RAB11FIP1: variants seen among roughly 807,000 people sequenced by gnomAD.
The protein encoded by RAB11FIP1 is rab11 family-interacting protein 1.
In RAB11FIP1, 49 loss-of-function variants were observed where a neutral mutation model predicts 83.1. The ratio of observed to expected loss-of-function variants is 0.59; its 90% CI spans 0.47 to 0.75. The LOEUF (loss-of-function observed/expected upper bound fraction) is 0.75, where lower values mean the gene tolerates loss of function less well. Among genes scored for constraint, RAB11FIP1 ranks in the 30% least tolerant of loss-of-function variants. The pLI is 0.00. For synonymous variants in RAB11FIP1, 670 were observed against 656.0 expected (o/e 1.02, Z -0.33); for missense variants, 1,536 against 1,598.7 (o/e 0.96, Z 0.67).
rs1003718245 is a variant in RAB11FIP1 at position 37,887,388 on chromosome 8, G to T, written c.372-9837C>A. Among the ~76,000 whole-genome samples, 112 of 152,054 alleles carry T rather than the reference G, an allele frequency of 7.4e-4. 1 individual carries two copies. The highest frequency in any genetic ancestry group is 2.6e-3 in the African/African-American group (108 of 41,484). On this transcript the variant is annotated intron_variant, in intron 1 of 5. Transcript: ENST00000330843. ...TCTACTAAAAATACAAAAATGAGCC[G>T]GGTGTGGTGGTACACACCTGTAATC...
chr8:37,865,326 T>C (rs909299510), intron 5 of RAB11FIP1, among the ~76,000 whole-genome samples: 19 of 150,936 alleles, frequency 1.3e-4, no homozygotes, highest in African/African-American at 4.1e-4. Context: ...TTTTTTTTTT[T>C]TTTCTTTTTT....
chr8:37,891,960 G>C (rs902094142), intron 1 of RAB11FIP1, among the ~76,000 whole-genome samples: 6 of 152,096 alleles, frequency 3.9e-5, no homozygotes, highest in African/African-American at 4.8e-5. Flanking sequence ...GCATTTCCTA[G>C]TAATTCACTT....
In RAB11FIP1 at chr8:37,858,882, A is replaced by G. The variant is rs1426215428; in HGVS notation, c.*4013T>C. Reference sequence around the variant, plus strand: ...CACTGGTCATCCCCCCACCCCCACCAAGAGAGGTTTTCCAGGAAGACAAAA... The same window carrying G: ...CACTGGTCATCCCCCCACCCCCACCGAGAGAGGTTTTCCAGGAAGACAAAA... On this transcript the variant is annotated 3_prime_UTR_variant, in exon 6 of 6. Transcript: ENST00000330843. 1 of 151,510 alleles carries G rather than the reference A, an allele frequency of 6.6e-6. No homozygotes were observed. The highest frequency in any genetic ancestry group is 1.5e-5 in the Non-Finnish European group (1 of 67,914). 9.4% of individuals were successfully genotyped at this position (151,510 alleles called of 1,614,324 possible).
At chr8:37,870,066 G>A (rs1277186507) in intron 5 of RAB11FIP1, among the ~76,000 whole-genome samples, 1 of 152,118 alleles carries the variant, frequency 6.6e-6, no homozygotes, top group Admixed American at 6.5e-5. Flanking sequence ...GGAGGCCAAG[G>A]TGGGAGGATC....
chr8:37,895,217 CAATATATATA>C (rs1383308337), intron 1 of RAB11FIP1, among the ~76,000 whole-genome samples: 1 of 32,638 alleles, frequency 3.1e-5, no homozygotes, highest in South Asian at 1.6e-3. Context: ...AGGTGCCTGC[CAATATATATA>C]TATATATATA....
rs1459905558 is a variant in RAB11FIP1, at chr8:37,862,020, C to T, written c.*875G>A. 2.4e-5 allele frequency: 4 copies of T among 170,118 alleles called. No homozygotes were observed. Among genetic ancestry groups the T allele is most frequent in the Admixed American group, 5.6e-5 (1 of 17,882 alleles). The allele number at this position is 170,118 out of a possible 1,614,324, so 10.5% of individuals were successfully genotyped here. A position where few individuals can be genotyped will look rare whatever the true frequency, so the allele number is the denominator to read the frequency against. On this transcript the variant is annotated 3_prime_UTR_variant, in exon 6 of 6. Coordinates refer to ENST00000330843, the MANE Select transcript of RAB11FIP1 (RefSeq NM_001002814.3). Reference sequence around the variant, plus strand: ...GCCAAGCAATCGTATTGACATCATTCCACACCTGGAGAACTGTATTAGCGA... The same window carrying T: ...GCCAAGCAATCGTATTGACATCATTTCACACCTGGAGAACTGTATTAGCGA...
intron 1 of RAB11FIP1, 112 bp downstream of exon 1, chr8:37,898,959 A>G: frequency 8.7e-7 from 1 of 1,144,968 alleles, no homozygotes; most frequent in Non-Finnish European, 1.2e-6. Context: ...CCGTCCCGAA[A>G]GGCCTTCCCC....
chr8:37,874,970 G>T lies in RAB11FIP1; in HGVS notation c.1167C>A (p.Ser389=). The change falls in exon 3 of 6, where the codon TCC becomes TCA. Residue 389 remains serine (S), a synonymous_variant. Coordinates refer to ENST00000330843, the MANE Select transcript of RAB11FIP1 (RefSeq NM_001002814.3). ...RQLSESSTKD[S]LKSMTLPSYR... is the part of the protein sequence containing the mutation. ...AGGACGGCAGGGTCATAGACTTCAA[G>T]GAGTCCTTGGTGGAAGATTCGGAGA... 1 of 1,614,154 alleles carries T rather than the reference G, an allele frequency of 6.2e-7. No homozygotes were observed. The highest frequency in any genetic ancestry group is 8.5e-7 in the Non-Finnish European group (1 of 1,180,026).
At chr8:37,867,737 G>C (rs1029550308) in intron 5 of RAB11FIP1, among the ~76,000 whole-genome samples, 2 of 150,880 alleles carry the variant, frequency 1.3e-5, no homozygotes, top group African/African-American at 4.9e-5. Flanking sequence ...GGAAGGAAGG[G>C]AGGGAGGGAA....
rs1412059208 is a variant in RAB11FIP1, at chr8:37,875,053, C to G, written c.1084G>C (p.Ala362Pro). 1 of 1,614,176 alleles carries G rather than the reference C, an allele frequency of 6.2e-7. No individual in the cohort carries two copies. Among genetic ancestry groups the G allele is most frequent in the East Asian group, 2.2e-5 (1 of 44,874 alleles). ...KHLFSSTENL[A>P]AGSWKEPAEG... is the part of the protein sequence containing the mutation. ...GCAGGCTCCTTCCAAGACCCAGCCGCCAGGTTCTCTGTAGAAGAGAACAAA... is the reference window on the plus strand; with the variant it reads ...GCAGGCTCCTTCCAAGACCCAGCCGGCAGGTTCTCTGTAGAAGAGAACAAA... The change falls in exon 3 of 6, where the codon GCG (alanine) becomes CCG (proline). Residue 362 changes from alanine (A) to proline (P), a missense_variant. Physicochemically the swap from Ala to Pro is conservative, Grantham distance 27 (BLOSUM62 -1). Coordinates refer to ENST00000330843, the MANE Select transcript of RAB11FIP1 (RefSeq NM_001002814.3).
chr8:37,862,596 T>C lies in RAB11FIP1; in HGVS notation c.*299A>G, dbSNP rs1404057151. 2 of 279,184 alleles carry C rather than the reference T, an allele frequency of 7.2e-6. No homozygotes were observed. Among genetic ancestry groups the C allele is most frequent in the East Asian group, 1.5e-4 (2 of 13,650 alleles). The allele number at this position is 279,184 out of a possible 1,614,324, so 17.3% of individuals were successfully genotyped here. A position where few individuals can be genotyped will look rare whatever the true frequency, so the allele number is the denominator to read the frequency against. On this transcript the variant is annotated 3_prime_UTR_variant, in exon 6 of 6. Coordinates refer to ENST00000330843, the MANE Select transcript of RAB11FIP1 (RefSeq NM_001002814.3). ...AAATACATGAATACTTCCTGTGCCATCTGAATCTCTGGCTCAGGATCAGAT... is the reference window on the plus strand; with the variant it reads ...AAATACATGAATACTTCCTGTGCCACCTGAATCTCTGGCTCAGGATCAGAT...
In RAB11FIP1 at chr8:37,877,387, C is replaced by G; in HGVS notation, c.536G>C (p.Gly179Ala). ...GTCTGACCCACTGTCCTTATTCTTC[C>G]CCTTGATCTTGTCCTTCAGCTTTCC... ...PFGKLKDKIKGKNKDSGSDTA... is the reference protein window; with the variant it reads ...PFGKLKDKIKAKNKDSGSDTA... Residue 179 changes from glycine to alanine, a missense_variant, in exon 2 of 6, where the codon GGG (glycine) becomes GCG (alanine). By Grantham distance (60) the Gly-to-Ala change is moderately conservative (BLOSUM62 0). Coordinates refer to ENST00000330843, the MANE Select transcript of RAB11FIP1 (RefSeq NM_001002814.3). The G allele has an allele frequency of 6.2e-7, 1 of 1,614,192 alleles. No homozygotes were observed. Among genetic ancestry groups the G allele is most frequent in the South Asian group, 1.1e-5 (1 of 91,078 alleles).
At chr8:37,888,597 G>A (rs922172689) in intron 1 of RAB11FIP1, among the ~76,000 whole-genome samples, 1 of 151,708 alleles carries the variant, frequency 6.6e-6, no homozygotes, top group Admixed American at 6.6e-5. Flanking sequence ...TCCCACCTTA[G>A]CCTACAAAGT....
chr8:37,871,436 G>A lies in RAB11FIP1; in HGVS notation c.3366C>T (p.Ser1122=). The part of the protein sequence containing the change: ...SSAHSDTHHT[S]TAESQKKATA... Reference sequence around the variant, plus strand: ...TGGCTTTTTTTTGAGATTCTGCTGTGCTGGTGTGGTGAGTGTCAGAATGTG... The same window carrying A: ...TGGCTTTTTTTTGAGATTCTGCTGTACTGGTGTGGTGAGTGTCAGAATGTG... The change falls in exon 4 of 6, where the codon AGC becomes AGT. Residue 1122 remains serine (S), a synonymous_variant. Transcript: ENST00000330843. The A allele has an allele frequency of 6.2e-7, 1 of 1,614,142 alleles. No individual in the cohort carries two copies. Among genetic ancestry groups the A allele is most frequent in the East Asian group, 2.2e-5 (1 of 44,878 alleles).
rs1585435410 is a variant in RAB11FIP1 at position 37,875,293 on chromosome 8, C to T, written c.844G>A (p.Asp282Asn). The T allele has an allele frequency of 6.2e-7, 1 of 1,613,090 alleles. No homozygotes were observed. The highest frequency in any genetic ancestry group is 1.7e-5 in the Admixed American group (1 of 59,772). ...TTGACCTGGTTCAGTTGCTTAAGATCCGTACTCGCTGTTCTCTTGTGAGAC... is the reference window on the plus strand; with the variant it reads ...TTGACCTGGTTCAGTTGCTTAAGATTCGTACTCGCTGTTCTCTTGTGAGAC... ...VMSHKRTASTDLKQLNQVNFT... is the reference protein window; with the variant it reads ...VMSHKRTASTNLKQLNQVNFT... Residue 282 changes from aspartate (D) to asparagine (N), a missense_variant, in exon 3 of 6, where the codon GAT becomes AAT. Coordinates refer to ENST00000330843, the MANE Select transcript of RAB11FIP1 (RefSeq NM_001002814.3).
chr8:37,891,699 C>G (rs1435402979), intron 1 of RAB11FIP1, among the ~76,000 whole-genome samples: 2 of 152,028 alleles, frequency 1.3e-5, no homozygotes, highest in Non-Finnish European at 2.9e-5. Context: ...GCTTACAGTT[C>G]GTAATGCAAA....
chr8:37,881,962 C>T (rs899723642), intron 1 of RAB11FIP1, among the ~76,000 whole-genome samples: 4 of 152,078 alleles, frequency 2.6e-5, no homozygotes, highest in Admixed American at 2.0e-4. Context: ...TAAATGGTAG[C>T]CTTGGTGATG....
At chr8:37,874,288 C>A (rs915025006) in intron 3 of RAB11FIP1, among the ~76,000 whole-genome samples, 2 of 152,364 alleles carry the variant, frequency 1.3e-5, no homozygotes, top group East Asian at 3.9e-4. Context: ...AAAGGACAGA[C>A]CATGCCTGCT....
chr8:37,862,946 G>T lies in RAB11FIP1; in HGVS notation c.3801C>A (p.Pro1267=), dbSNP rs762659911. The change falls in exon 6 of 6, where the codon CCC becomes CCA. Residue 1267 remains proline, a synonymous_variant. Transcript: ENST00000330843. ...CCTGAGTCGGGATGCGGAGGATATTGGGGGTTTCTTCCATGACCCTGACAA... is the reference window on the plus strand; with the variant it reads ...CCTGAGTCGGGATGCGGAGGATATTTGGGGTTTCTTCCATGACCCTGACAA... ...NLLVRVMEET[P]NILRIPTQVG... The T allele has an allele frequency of 6.8e-6, 11 of 1,613,744 alleles. No individual in the cohort carries two copies. Among genetic ancestry groups the T allele is most frequent in the Non-Finnish European group, 9.3e-6 (11 of 1,179,968 alleles).
Sources: gnomAD v4.1 joint callset for allele counts (sites outside exome capture counted in the v4.1 genomes callset) on GRCh38, gnomAD v4.1.1 for gene constraint, MANE v1.5 for transcripts, NCBI Gene and HGNC (gene_info 2026-07-23, HGNC 2026-07-21) for gene names.